The following TMX1 variants were observed in gnomAD, a reference collection of about 807,000 sequenced individuals.
TMX1 encodes the protein thioredoxin related transmembrane protein 1, also known as thioredoxin-related transmembrane protein 1.
A neutral mutation model predicts 36.6 loss-of-function variants in TMX1; 25 were observed. The ratio of observed to expected loss-of-function variants is 0.68; its 90% CI spans 0.50 to 0.95. TMX1 has a LOEUF of 0.95. Among genes scored for constraint, TMX1 ranks in the 40% least tolerant of loss-of-function variants. The probability of loss-of-function intolerance (pLI) is 0.00; values close to 1 mark genes in which losing one functional copy is unlikely to be tolerated. For synonymous variants in TMX1, 133 were observed against 118.0 expected (o/e 1.13, Z -0.82); for missense variants, 347 against 339.6 (o/e 1.02, Z -0.17).
Position 51,240,367 on chromosome 14 carries a change from C to T in TMX1, c.75C>T (p.His25=), listed in dbSNP as rs368861633. The change falls in exon 1 of 8, where the codon CAC becomes CAT. Residue 25 remains histidine (H), a synonymous_variant. Coordinates refer to ENST00000457354, the MANE Select transcript of TMX1 (RefSeq NM_030755.5). ...VLLLWGAPWT[H]GRRSNVRVIT... ...TGCTTTGGGGTGCTCCCTGGACGCA[C>T]GGGCGGCGGAGCAACGTTCGCGTCA... 1 of 1,614,018 alleles carries T rather than the reference C, an allele frequency of 6.2e-7. No individual in the cohort carries two copies. The highest frequency in any genetic ancestry group is 1.1e-5 in the South Asian group (1 of 91,080).
intron 4 of TMX1, among the ~76,000 whole-genome samples, chr14:51,248,821 A>G (rs1011686650): frequency 6.6e-6 from 1 of 152,226 alleles, no homozygotes; most frequent in African/African-American, 2.4e-5. Flanking sequence ...ATAATTTTGT[A>G]TATCATTAAA....
intron 7 of TMX1, among the ~76,000 whole-genome samples, chr14:51,252,944 A>G (rs1166310720): frequency 6.6e-6 from 1 of 152,050 alleles, no homozygotes; most frequent in Non-Finnish European, 1.5e-5. Flanking sequence ...TTATTTTTCT[A>G]GTTTTTTTCT....
chr14:51,245,418 G>A, intron 3 of TMX1, 60 bp downstream of exon 3: 1 of 1,602,686 alleles, frequency 6.2e-7, no homozygotes. Context: ...ATCAGAAGTA[G>A]TAGGCCTCTG....
Position 51,240,269 on chromosome 14 carries a change from C to T in TMX1, c.-24C>T, listed in dbSNP as rs1445202532. The T allele has an allele frequency of 2.5e-6, 4 of 1,605,472 alleles. No homozygotes were observed. The highest frequency in any genetic ancestry group is 2.7e-5 in the African/African-American group (2 of 74,880). ...GGAAGTGGGAGCTGCGACCGCGCTCCCTGTGAGGTGGGCAAGCGGCGAAAT... is the reference window on the plus strand; with the variant it reads ...GGAAGTGGGAGCTGCGACCGCGCTCTCTGTGAGGTGGGCAAGCGGCGAAAT... On this transcript the variant is annotated 5_prime_UTR_variant, in exon 1 of 8. Transcript: ENST00000457354.
chr14:51,244,237 T>C (rs907216171), intron 2 of TMX1: 8 of 237,378 alleles, frequency 3.4e-5, no homozygotes, highest in Non-Finnish European at 6.5e-5. Context: ...CTCTTTTTAT[T>C]CTTGCCCACA....
Position 51,247,077 on chromosome 14 carries a change from T to G in TMX1, c.315-15T>G. ...TTCTCAGTGCTGGATAATATTTAATTCTGATTCTCTTTAGTTGTAAAGATG... is the reference window on the plus strand; with the variant it reads ...TTCTCAGTGCTGGATAATATTTAATGCTGATTCTCTTTAGTTGTAAAGATG... On this transcript the variant is annotated splice_polypyrimidine_tract_variant and intron_variant, in intron 3 of 7. Coordinates refer to ENST00000457354, the MANE Select transcript of TMX1 (RefSeq NM_030755.5). The G allele has an allele frequency of 5.0e-6, 8 of 1,596,704 alleles. No individual in the cohort carries two copies. The highest frequency in any genetic ancestry group is 6.0e-6 in the Non-Finnish European group (7 of 1,174,170).
intron 7 of TMX1, among the ~76,000 whole-genome samples, chr14:51,253,343 G>A (rs2065823586): frequency 6.6e-6 from 1 of 152,218 alleles, no homozygotes. Flanking sequence ...AACCACTGCT[G>A]TAAACTAGTA....
At position 51,245,455 on chromosome 14, in the gene TMX1, G is replaced by T. The variant is rs1483556145; in HGVS notation, c.314+97G>T. The T allele has an allele frequency of 3.2e-6, 5 of 1,568,554 alleles. No individual in the cohort carries two copies. In the South Asian group the frequency reaches 5.8e-5, roughly 18 times the overall value. On this transcript the variant is annotated intron_variant, in intron 3 of 7. Transcript: ENST00000457354. ...CTTGGATCATGCTGGAAGAGCTGAGGTAATCTCATTATATTCAGCAGGTAT... is the reference window on the plus strand; with the variant it reads ...CTTGGATCATGCTGGAAGAGCTGAGTTAATCTCATTATATTCAGCAGGTAT...
chr14:51,249,615 A>C (rs1037108066), intron 6 of TMX1, 46 bp downstream of exon 6: 1 of 1,598,294 alleles, frequency 6.3e-7, no homozygotes, highest in Admixed American at 1.7e-5. Flanking sequence ...ATATTTAAAA[A>C]TGTGATTATT....
chr14:51,255,393 G>GTTTTTTTTTT lies in TMX1; in HGVS notation c.*880_*889dup, dbSNP rs57089405. ...TCTTGCTGAACTTCAACTTGAAATT[G>GTTTTTTTTTT]TTTTTTTTTTTTTTTCTTTTTGGAT... On this transcript the variant is annotated 3_prime_UTR_variant, in exon 8 of 8. Transcript: ENST00000457354. The GTTTTTTTTTT allele has an allele frequency of 7.1e-6, 1 of 141,598 alleles. No homozygotes were observed. Among genetic ancestry groups the GTTTTTTTTTT allele is most frequent in the Non-Finnish European group, 1.5e-5 (1 of 64,828 alleles). The allele number at this position is 141,598 out of a possible 1,614,324, so 8.8% of individuals were successfully genotyped here. A position where few individuals can be genotyped will look rare whatever the true frequency, so the allele number is the denominator to read the frequency against.
intron 1 of TMX1, among the ~76,000 whole-genome samples, chr14:51,241,010 C>T (rs1234227434): frequency 2.0e-5 from 3 of 151,706 alleles, no homozygotes; most frequent in Non-Finnish European, 4.4e-5. Context: ...TTTAAGTTTT[C>T]GTTTTCTCTT....
Position 51,249,730 on chromosome 14 carries a change from A to G in TMX1, c.629A>G (p.Lys210Arg). The G allele has an allele frequency of 6.2e-7, 1 of 1,613,544 alleles. No homozygotes were observed. Among genetic ancestry groups the G allele is most frequent in the South Asian group, 1.1e-5 (1 of 90,988 alleles). Residue 210 changes from lysine (K) to arginine (R), a missense_variant, in exon 7 of 8, where the codon AAA (lysine) becomes AGA (arginine). Lys to Arg is a conservative substitution (Grantham distance 26). Transcript: ENST00000457354. ...GTGGCAGATTGCCTTTGTCCTTCAAAAAGGCGCAGACCACAGCCGTACCCA... is the reference window on the plus strand; with the variant it reads ...GTGGCAGATTGCCTTTGTCCTTCAAGAAGGCGCAGACCACAGCCGTACCCA... ...IFVADCLCPS[K>R]RRRPQPYPYP... is the part of the protein sequence containing the mutation.
At chr14:51,242,914 A>C (rs141168735) in intron 1 of TMX1, among the ~76,000 whole-genome samples, 66 of 152,274 alleles carry the variant, frequency 4.3e-4, no homozygotes, top group African/African-American at 1.5e-3. Context: ...TGTCATGGAG[A>C]TATTTTCATT....
chr14:51,247,417 C>T (rs899450611), intron 4 of TMX1, among the ~76,000 whole-genome samples, 197 bp downstream of exon 4: 5 of 133,472 alleles, frequency 3.7e-5, no homozygotes, highest in Admixed American at 8.9e-5. Flanking sequence ...AGTGCAGTGG[C>T]GCAATCTCGG....
intron 1 of TMX1, among the ~76,000 whole-genome samples, chr14:51,242,240 CA>C (rs1400326900): frequency 6.6e-6 from 1 of 152,160 alleles, no homozygotes; most frequent in African/African-American, 2.4e-5. Flanking sequence ...TTGAAAGCTT[CA>C]GGGGAGAGGA....
intron 3 of TMX1, among the ~76,000 whole-genome samples, chr14:51,246,184 C>T (rs942077622): frequency 6.6e-6 from 1 of 152,062 alleles, no homozygotes; most frequent in African/African-American, 2.4e-5. Flanking sequence ...TCATTCAGTC[C>T]TTTTCCCCAC....
chr14:51,240,464 G>C lies in TMX1; in HGVS notation c.152+20G>C. 1 of 1,611,578 alleles carries C rather than the reference G, an allele frequency of 6.2e-7. No homozygotes were observed. Among genetic ancestry groups the C allele is most frequent in the Non-Finnish European group, 8.5e-7 (1 of 1,178,968 alleles). Reference sequence around the variant, plus strand: ...AGAATTGTGAGTGCGGGGCGGCCAGGGTCCTACGTCCGTGCCTGGACACAC... The same window carrying C: ...AGAATTGTGAGTGCGGGGCGGCCAGCGTCCTACGTCCGTGCCTGGACACAC... On this transcript the variant is annotated intron_variant, in intron 1 of 7. Transcript: ENST00000457354.
At chr14:51,243,025 A>G (rs2065768798) in intron 1 of TMX1, among the ~76,000 whole-genome samples, 1 of 151,986 alleles carries the variant, frequency 6.6e-6, no homozygotes, top group Non-Finnish European at 1.5e-5. Context: ...ACAAGTGAAG[A>G]AAATGTGAAG....
chr14:51,249,836 A>G (rs2065803766), intron 7 of TMX1, 71 bp downstream of exon 7: 1 of 1,202,756 alleles, frequency 8.3e-7, no homozygotes, highest in African/African-American at 1.5e-5. Flanking sequence ...ACAATCACAC[A>G]TTTCACAGGT....
Sources: allele counts gnomAD v4.1 joint callset (sites outside exome capture counted in the v4.1 genomes callset), GRCh38; gene constraint gnomAD v4.1.1; transcripts MANE v1.5; gene names NCBI Gene and HGNC (gene_info 2026-07-23, HGNC 2026-07-21).